ATP6V1H: variants seen among roughly 807,000 people sequenced by gnomAD.
ATP6V1H encodes the protein V-type proton ATPase subunit H.
A neutral mutation model predicts 71.7 loss-of-function variants in ATP6V1H; 39 were observed. That is an observed-to-expected ratio of 0.54 (90% CI 0.42 to 0.71). The LOEUF (loss-of-function observed/expected upper bound fraction) is 0.71. Among genes scored for constraint, ATP6V1H ranks in the 30% least tolerant of loss-of-function variants. The pLI is 0.00. For synonymous variants in ATP6V1H, 192 were observed against 199.3 expected, an observed-to-expected ratio of 0.96 and a Z score of 0.31; for missense variants, 509 against 594.9, an observed-to-expected ratio of 0.86 and a Z score of 1.50.
chr8:53,748,284 A>G (rs1386694235), intron 12 of ATP6V1H, among the ~76,000 whole-genome samples: 4 of 152,220 alleles, frequency 2.6e-5, no homozygotes, highest in Admixed American at 2.6e-4. Flanking sequence ...TAAAAGCACC[A>G]GATGCCATAA....
chr8:53,830,681 C>CCTT (rs1237225538), intron 3 of ATP6V1H, among the ~76,000 whole-genome samples: 1 of 152,126 alleles, frequency 6.6e-6, no homozygotes, highest in Non-Finnish European at 1.5e-5. Context: ...ACACCAGACA[C>CCTT]TGCTATTAAG....
At chr8:53,831,305 G>A (rs1290014237) in intron 3 of ATP6V1H, among the ~76,000 whole-genome samples, 1 of 152,118 alleles carries the variant, frequency 6.6e-6, no homozygotes, top group African/African-American at 2.4e-5. Context: ...CTCCACACCT[G>A]TACAGTCTGT....
intron 9 of ATP6V1H, among the ~76,000 whole-genome samples, chr8:53,785,153 TC>T (rs1809325932): frequency 6.6e-6 from 1 of 152,170 alleles, no homozygotes; most frequent in African/African-American, 2.4e-5. Flanking sequence ...GGTTCCATTC[TC>T]CCCGTCACTT....
intron 9 of ATP6V1H, among the ~76,000 whole-genome samples, chr8:53,783,041 A>C (rs1299901803): frequency 1.3e-5 from 2 of 152,102 alleles, no homozygotes; most frequent in Non-Finnish European, 2.9e-5. Flanking sequence ...TGGTATCAGG[A>C]TGATGCTGGC....
intron 11 of ATP6V1H, among the ~76,000 whole-genome samples, chr8:53,763,025 A>G (rs1322607103): frequency 1.3e-5 from 2 of 152,242 alleles, no homozygotes; most frequent in Non-Finnish European, 2.9e-5. Context: ...CTTTATTGTA[A>G]GAATACAGTA....
At chr8:53,724,952 T>G (rs1806760035) in intron 13 of ATP6V1H, among the ~76,000 whole-genome samples, 1 of 152,042 alleles carries the variant, frequency 6.6e-6, no homozygotes, top group African/African-American at 2.4e-5. Flanking sequence ...TAAAATATAT[T>G]TAGGTAACAG....
intron 2 of ATP6V1H, among the ~76,000 whole-genome samples, chr8:53,835,949 T>C (rs1275241925): frequency 6.6e-6 from 1 of 152,160 alleles, no homozygotes; most frequent in Non-Finnish European, 1.5e-5. Flanking sequence ...TCCCCACTCA[T>C]ATCCTCCCAC....
At chr8:53,835,779 C>T (rs1811139474) in intron 2 of ATP6V1H, among the ~76,000 whole-genome samples, 1 of 152,154 alleles carries the variant, frequency 6.6e-6, no homozygotes, top group Non-Finnish European at 1.5e-5. Context: ...GCAGGTGACA[C>T]TATGACTACA....
chr8:53,815,951 G>A (rs1319608954), intron 5 of ATP6V1H, among the ~76,000 whole-genome samples: 1 of 152,166 alleles, frequency 6.6e-6, no homozygotes, highest in Non-Finnish European at 1.5e-5. Context: ...CAGTAATAAT[G>A]AACCATTTCC....
chr8:53,804,799 T>C (rs1810024818), intron 7 of ATP6V1H, among the ~76,000 whole-genome samples: 1 of 152,230 alleles, frequency 6.6e-6, no homozygotes, highest in African/African-American at 2.4e-5. Flanking sequence ...ACATGCACTT[T>C]CTATACAGCA....
At chr8:53,729,976 A>G (rs772556705) in intron 13 of ATP6V1H, among the ~76,000 whole-genome samples, 7 of 152,230 alleles carry the variant, frequency 4.6e-5, no homozygotes, top group Non-Finnish European at 7.3e-5. Flanking sequence ...AAACCATGTC[A>G]GCTGATGCGG....
chr8:53,777,728 TAAAC>T (rs1480770370), intron 9 of ATP6V1H, among the ~76,000 whole-genome samples: 1 of 152,128 alleles, frequency 6.6e-6, no homozygotes, highest in Non-Finnish European at 1.5e-5. Flanking sequence ...TTAAAAACCA[TAAAC>T]AAATGAGCAA....
intron 13 of ATP6V1H, among the ~76,000 whole-genome samples, chr8:53,719,636 C>T (rs998158655): frequency 4.5e-4 from 68 of 152,216 alleles, no homozygotes; most frequent in Admixed American, 9.2e-4. Flanking sequence ...ATCTGGACCG[C>T]GTTCCGAGCC....
chr8:53,784,284 A>G (rs539675772), intron 9 of ATP6V1H, among the ~76,000 whole-genome samples: 2 of 152,216 alleles, frequency 1.3e-5, no homozygotes, highest in African/African-American at 4.8e-5. Flanking sequence ...TCGTCCCTTT[A>G]CCATTATGTA....
At position 53,725,265 on chromosome 8, in the gene ATP6V1H, C is replaced by T. The variant is rs572752133; in HGVS notation, c.1392-9241G>A. 7.2e-5 allele frequency among the ~76,000 whole-genome samples: 11 copies of T among 152,172 alleles called. No individual in the cohort carries two copies. The East Asian group carries it at 7.7e-4, about 11-fold the overall frequency. The stretch of plus-strand genomic sequence containing the variant: ...GAAGAGAGACCTGAGCTAGCATGAG[C>T]GGGCACTCAGCCCCCTGGCCATGTG... On this transcript the variant is annotated intron_variant, in intron 13 of 13. Coordinates refer to ENST00000359530, the MANE Select transcript of ATP6V1H (RefSeq NM_015941.4).
chr8:53,809,576 C>T (rs769352290), intron 7 of ATP6V1H, among the ~76,000 whole-genome samples: 7 of 152,210 alleles, frequency 4.6e-5, no homozygotes, highest in Non-Finnish European at 7.3e-5. Context: ...TAGACCAACA[C>T]ACCACCAATT....
intron 4 of ATP6V1H, among the ~76,000 whole-genome samples, chr8:53,821,002 G>A (rs1219596682): frequency 1.1e-4 from 15 of 130,774 alleles, no homozygotes; most frequent in South Asian, 2.4e-4. Flanking sequence ...AAAAGAAAAA[G>A]AAAAAAGAAA....
intron 9 of ATP6V1H, among the ~76,000 whole-genome samples, chr8:53,789,243 G>C (rs1303979453): frequency 3.9e-5 from 6 of 152,140 alleles, no homozygotes; most frequent in African/African-American, 1.4e-4. Context: ...TAATGATTCA[G>C]TGAAAAACAA....
intron 13 of ATP6V1H, among the ~76,000 whole-genome samples, chr8:53,722,963 A>G (rs1426342442): frequency 6.6e-6 from 1 of 152,262 alleles, no homozygotes; most frequent in Non-Finnish European, 1.5e-5. Flanking sequence ...GAATTAAATC[A>G]GCTTTATAAT....
Sources: allele counts gnomAD v4.1 joint callset (sites outside exome capture counted in the v4.1 genomes callset), GRCh38; gene constraint gnomAD v4.1.1; transcripts MANE v1.5; gene names NCBI Gene and HGNC (gene_info 2026-07-23, HGNC 2026-07-21).